TMPRSS15: variants seen among roughly 807,000 people sequenced by gnomAD.
The protein encoded by TMPRSS15 is enteropeptidase.
A neutral mutation model predicts 125.3 loss-of-function variants in TMPRSS15; 128 were observed. The ratio of observed to expected loss-of-function variants is 1.02; its 90% CI spans 0.89 to 1.18. TMPRSS15 has a LOEUF of 1.18. Ranked by LOEUF, TMPRSS15 falls within the 50% of genes most tolerant of loss-of-function variation. TMPRSS15 has a pLI of 0.00. For missense variants in TMPRSS15, 1,283 were observed against 1,212.7 expected (o/e 1.06, Z -0.86); for synonymous variants, 446 against 423.2 (o/e 1.05, Z -0.66).
chr21:18,354,348 A>T (rs1163200087), intron 8 of TMPRSS15, among the ~76,000 whole-genome samples: 1 of 151,762 alleles, frequency 6.6e-6, no homozygotes, highest in African/African-American at 2.4e-5. Context: ...ATACCAGGTG[A>T]CTTAAGATTG....
At chr21:18,410,212 C>G (rs2076162511) in intron 1 of TMPRSS15, among the ~76,000 whole-genome samples, 1 of 151,054 alleles carries the variant, frequency 6.6e-6, no homozygotes, top group African/African-American at 2.4e-5. Context: ...TTTGATGGCC[C>G]ATATTTCCTT....
chr21:18,310,065 A>T (rs2146930764), intron 18 of TMPRSS15, among the ~76,000 whole-genome samples: 1 of 152,252 alleles, frequency 6.6e-6, no homozygotes, highest in Non-Finnish European at 1.5e-5. Context: ...ACGTACCTCA[A>T]CACAATAAAG....
In TMPRSS15 at chr21:18,275,089, G is replaced by T. The variant is rs971932315; in HGVS notation, c.2904+108C>A. Reference sequence around the variant, plus strand: ...CAAAAAGTAACAGTTTTGTAAAAGAGAAATGAAAGAAGCTTATTTCTTTAC... The same window carrying T: ...CAAAAAGTAACAGTTTTGTAAAAGATAAATGAAAGAAGCTTATTTCTTTAC... On this transcript the variant is annotated intron_variant, in intron 24 of 24. Coordinates refer to ENST00000284885, the MANE Select transcript of TMPRSS15 (RefSeq NM_002772.3). 3.5e-6 allele frequency: 5 copies of T among 1,435,990 alleles called. No individual in the cohort carries two copies. The African/African-American group carries it at 7.0e-5, about 20-fold the overall frequency. The allele number at this position is 1,435,990 out of a possible 1,614,324, so 89.0% of individuals were successfully genotyped here. A position where few individuals can be genotyped will look rare whatever the true frequency, so the allele number is the denominator to read the frequency against.
intron 4 of TMPRSS15, among the ~76,000 whole-genome samples, chr21:18,380,035 A>G (rs1463988222): frequency 6.6e-6 from 1 of 152,042 alleles, no homozygotes; most frequent in Non-Finnish European, 1.5e-5. Flanking sequence ...TAGTTAACAT[A>G]AAGTCTGAAT....
chr21:18,310,631 C>G (rs2075090733), intron 18 of TMPRSS15, among the ~76,000 whole-genome samples: 2 of 151,998 alleles, frequency 1.3e-5, no homozygotes, highest in Admixed American at 1.3e-4. Context: ...AACAATACTA[C>G]CCAATCCCTA....
chr21:18,450,482 A>G (rs1330279948), intron 1 of TMPRSS15, among the ~76,000 whole-genome samples: 1 of 152,144 alleles, frequency 6.6e-6, no homozygotes, highest in East Asian at 1.9e-4. Flanking sequence ...TGATTATACC[A>G]TCCCTTGACA....
intron 16 of TMPRSS15, among the ~76,000 whole-genome samples, chr21:18,323,107 C>G (rs1389022048): frequency 6.6e-6 from 1 of 152,096 alleles, no homozygotes; most frequent in Non-Finnish European, 1.5e-5. Flanking sequence ...TTCCTCTTTT[C>G]AAGTCTTTTC....
At chr21:18,442,153 C>A (rs2076243645) in intron 1 of TMPRSS15, among the ~76,000 whole-genome samples, 1 of 152,122 alleles carries the variant, frequency 6.6e-6, no homozygotes, top group Non-Finnish European at 1.5e-5. Context: ...ACTTTAACAT[C>A]AATGAATTGT....
rs75423904 is a variant in TMPRSS15 at position 18,283,949 on chromosome 21, T to C, written c.2487-2728A>G. On this transcript the variant is annotated intron_variant, in intron 21 of 24. Coordinates refer to ENST00000284885, the MANE Select transcript of TMPRSS15 (RefSeq NM_002772.3). Reference sequence around the variant, plus strand: ...TAAGGACTTGAGTAGAAAACCAATATATGAACCAGGAACGTGCAGATTAAA... The same window carrying C: ...TAAGGACTTGAGTAGAAAACCAATACATGAACCAGGAACGTGCAGATTAAA... 9.4e-3 allele frequency among the ~76,000 whole-genome samples: 1,429 copies of C among 152,284 alleles called. 12 individuals are homozygous for C. The highest frequency in any genetic ancestry group is 0.015 in the Non-Finnish European group (1,049 of 68,024).
chr21:18,338,324 A>C (rs1304064718), intron 13 of TMPRSS15, among the ~76,000 whole-genome samples: 4 of 152,146 alleles, frequency 2.6e-5, no homozygotes, highest in East Asian at 1.9e-4. Flanking sequence ...ATAGGGGAAC[A>C]AACTAGCAAA....
chr21:18,276,848 C>A (rs1317346729), intron 23 of TMPRSS15, among the ~76,000 whole-genome samples: 1 of 151,380 alleles, frequency 6.6e-6, no homozygotes, highest in African/African-American at 2.4e-5. Flanking sequence ...CAACCTCCGC[C>A]TCCTGGGTTC....
At chr21:18,464,833 A>G (rs2122954943) in intron 1 of TMPRSS15, among the ~76,000 whole-genome samples, 1 of 152,292 alleles carries the variant, frequency 6.6e-6, no homozygotes, top group African/African-American at 2.4e-5. Flanking sequence ...CCAGAGGTAC[A>G]AAGAGGAGCT....
At chr21:18,357,179 T>C (rs2075633190) in intron 8 of TMPRSS15, among the ~76,000 whole-genome samples, 2 of 151,900 alleles carry the variant, frequency 1.3e-5, no homozygotes, top group African/African-American at 4.8e-5. Context: ...TCATATGAAG[T>C]ATTAATAATT....
chr21:18,373,691 G>C lies in TMPRSS15; in HGVS notation c.533-1367C>G, dbSNP rs1601407242. On this transcript the variant is annotated intron_variant, in intron 5 of 24. Transcript: ENST00000284885. ...ATTTCAAAGATGAATTTGGGATACAGCTAGGAACATATATCACTTTGGCTG... is the reference window on the plus strand; with the variant it reads ...ATTTCAAAGATGAATTTGGGATACACCTAGGAACATATATCACTTTGGCTG... 2.6e-5 allele frequency among the ~76,000 whole-genome samples: 4 copies of C among 152,282 alleles called. 1 individual carries two copies. In the East Asian group the frequency reaches 7.7e-4, roughly 29 times the overall value.
At chr21:18,326,652 T>C in intron 15 of TMPRSS15, 80 bp from the exon 16 acceptor site, 2 of 1,552,496 alleles carry the variant, frequency 1.3e-6, no homozygotes, top group Admixed American at 1.7e-5. Flanking sequence ...CTCAGTTCCC[T>C]CTGCCAGACG....
intron 15 of TMPRSS15, among the ~76,000 whole-genome samples, chr21:18,327,308 G>A (rs1047619083): frequency 6.6e-5 from 10 of 152,130 alleles, no homozygotes; most frequent in African/African-American, 1.7e-4. Flanking sequence ...TTTAGATGAT[G>A]AGAACTCTGA....
chr21:18,372,775 C>A (rs1393530242), intron 5 of TMPRSS15, among the ~76,000 whole-genome samples: 1 of 152,212 alleles, frequency 6.6e-6, no homozygotes, highest in Admixed American at 6.5e-5. Flanking sequence ...AGGGGGTACA[C>A]TGTAAACACA....
At chr21:18,421,907 T>C (rs1474366813) in intron 1 of TMPRSS15, among the ~76,000 whole-genome samples, 1 of 152,094 alleles carries the variant, frequency 6.6e-6, no homozygotes, top group East Asian at 1.9e-4. Context: ...AAAATTACAA[T>C]GACAGCTTTG....
At chr21:18,319,623 T>G (rs1253951037) in intron 16 of TMPRSS15, among the ~76,000 whole-genome samples, 1 of 152,056 alleles carries the variant, frequency 6.6e-6, no homozygotes, top group African/African-American at 2.4e-5. Flanking sequence ...AGACGGGGTT[T>G]TCTCAATGTT....
Sources: gnomAD v4.1 joint callset for allele counts (sites outside exome capture counted in the v4.1 genomes callset) on GRCh38, gnomAD v4.1.1 for gene constraint, MANE v1.5 for transcripts, NCBI Gene and HGNC (gene_info 2026-07-23, HGNC 2026-07-21) for gene names.